PRPF8: variants seen among roughly 807,000 people sequenced by gnomAD.
PRPF8 encodes pre-mRNA-processing-splicing factor 8.
In PRPF8, 64 loss-of-function variants were observed where a neutral mutation model predicts 285.9. That is an observed-to-expected ratio of 0.22 (90% CI 0.18 to 0.28). The LOEUF (loss-of-function observed/expected upper bound fraction) is 0.28, where lower values mean the gene tolerates loss of function less well. PRPF8 is among the 10% of genes least tolerant of loss of function. The pLI, the probability that PRPF8 is intolerant of heterozygous loss-of-function variation, is 1.00. For missense variants in PRPF8, 1,426 were observed against 3,026.7 expected (o/e 0.47, Z 12.41); for synonymous variants, 1,325 against 1,118.2 (o/e 1.18, Z -3.69).
Position 1,658,307 on chromosome 17 carries a change from C to T in PRPF8, c.5451G>A (p.Leu1817=), listed in dbSNP as rs1270392154. 1.9e-6 allele frequency: 3 copies of T among 1,614,108 alleles called. No homozygotes were observed. Among genetic ancestry groups the T allele is most frequent in the African/African-American group, 2.7e-5 (2 of 74,928 alleles). ...IFIFNPRTGQ[L]FLKIIHTSVW... ...CGGACGTGTGGATTATCTTGAGGAACAGCTGCCCTGTGCGTGGGTTGAAGA... is the reference window on the plus strand; with the variant it reads ...CGGACGTGTGGATTATCTTGAGGAATAGCTGCCCTGTGCGTGGGTTGAAGA... The change falls in exon 34 of 43, where the codon CTG becomes CTA. Residue 1817 remains leucine, a synonymous_variant. Transcript: ENST00000304992. This position sits in a 1 kb window ranked among gnomAD's most constrained non-coding sequence, Gnocchi z 4.1.
intron 3 of PRPF8, among the ~76,000 whole-genome samples, chr17:1,682,581 C>A (rs1165249752): frequency 2.0e-5 from 3 of 152,182 alleles, no homozygotes; most frequent in Admixed American, 6.6e-5. Context: ...CCTATTCCCT[C>A]CGCATCTTCC....
Position 1,682,384 on chromosome 17 carries a change from A to G in PRPF8, c.270-91T>C, listed in dbSNP as rs568858961. On this transcript the variant is annotated intron_variant, in intron 3 of 42. Transcript: ENST00000304992. The stretch of plus-strand genomic sequence containing the variant: ...GAGAAGCCACATGTTCATGTTCCAC[A>G]GTCCTACCTTACAATCCAAACTCCC... 51 of 1,500,380 alleles carry G rather than the reference A, an allele frequency of 3.4e-5. No homozygotes were observed. In the Admixed American group the frequency reaches 5.1e-4, roughly 15 times the overall value. 92.9% of individuals were successfully genotyped at this position (1,500,380 alleles called of 1,614,324 possible).
In PRPF8 at chr17:1,651,022, A is replaced by C. The variant is rs1911020400; in HGVS notation, c.6854-66T>G. 1 of 1,613,958 alleles carries C rather than the reference A, an allele frequency of 6.2e-7. No homozygotes were observed. The highest frequency in any genetic ancestry group is 1.3e-5 in the African/African-American group (1 of 74,924). ...GCCTCATGCAGCCTGCGCCACCTCC[A>C]AGCCAGCCAGGCCCCAAGTGCAAAG... On this transcript the variant is annotated intron_variant, in intron 42 of 42. Coordinates refer to ENST00000304992, the MANE Select transcript of PRPF8 (RefSeq NM_006445.4). This position sits in a 1 kb window ranked among gnomAD's most constrained non-coding sequence, Gnocchi z 5.1.
rs150238884 is a variant in PRPF8 at position 1,663,078 on chromosome 17, C to T, written c.3775-925G>A. Among the ~76,000 whole-genome samples, 195 of 152,094 alleles carry T rather than the reference C, an allele frequency of 1.3e-3. 1 individual carries two copies. The highest frequency in any genetic ancestry group is 4.7e-3 in the African/African-American group (193 of 41,494). On this transcript the variant is annotated intron_variant, in intron 24 of 42. Coordinates refer to ENST00000304992, the MANE Select transcript of PRPF8 (RefSeq NM_006445.4). ...AATACTACTAAGAGTGGGAGTGGAA[C>T]TTAAAGTGTATTATTCTAAGGTTCT...
chr17:1,679,256 A>T lies in PRPF8; in HGVS notation c.1409+35T>A. On this transcript the variant is annotated intron_variant, in intron 10 of 42. Transcript: ENST00000304992. This position sits in a 1 kb window ranked among gnomAD's most constrained non-coding sequence, Gnocchi z 4.7. ...GAGTCAGCCTACTGATATCTCTGGA[A>T]CAGAAGTCTGCGCAGGGCCCCTGGG... The T allele has an allele frequency of 1.2e-6, 2 of 1,614,176 alleles. No individual in the cohort carries two copies. The highest frequency in any genetic ancestry group is 1.7e-6 in the Non-Finnish European group (2 of 1,180,034).
At chr17:1,665,745 C>A (rs1911938734) in intron 24 of PRPF8, among the ~76,000 whole-genome samples, 2 of 150,298 alleles carry the variant, frequency 1.3e-5, no homozygotes, top group African/African-American at 2.5e-5. Context: ...ACTCGGGAGA[C>A]TGAGGCAGGA....
At chr17:1,684,617 A>G (rs759803587) in intron 1 of PRPF8, 35 bp from the exon 2 acceptor site, 2 of 1,591,952 alleles carry the variant, frequency 1.3e-6, no homozygotes, top group Non-Finnish European at 1.7e-6. Flanking sequence ...TTCACTAACC[A>G]CAGGCCCGGG....
intron 37 of PRPF8, chr17:1,654,425 T>C: frequency 2.8e-6 from 1 of 352,512 alleles, no homozygotes; most frequent in South Asian, 2.7e-5. Context: ...GGAAGGTGTG[T>C]GTGTGTGTTG....
chr17:1,668,174 A>T (rs1912097224), intron 24 of PRPF8, among the ~76,000 whole-genome samples: 1 of 152,182 alleles, frequency 6.6e-6, no homozygotes, highest in African/African-American at 2.4e-5. Flanking sequence ...CTGACTCCAG[A>T]GCCTGTGCTT....
chr17:1,659,734 C>G lies in PRPF8; in HGVS notation c.4946+107G>C. On this transcript the variant is annotated intron_variant, in intron 31 of 42. Transcript: ENST00000304992. This position sits in a 1 kb window ranked among gnomAD's most constrained non-coding sequence, Gnocchi z 5.1. ...CAGGCTCCAAGCGTAGCACTGGCTC[C>G]AAGTTTGAAACAAAGGCAGACAGGA... 1 of 1,466,948 alleles carries G rather than the reference C, an allele frequency of 6.8e-7. No homozygotes were observed. The highest frequency in any genetic ancestry group is 9.4e-7 in the Non-Finnish European group (1 of 1,068,554). 90.9% of individuals were successfully genotyped at this position (1,466,948 alleles called of 1,614,324 possible).
intron 36 of PRPF8, among the ~76,000 whole-genome samples, 199 bp from the exon 37 acceptor site, chr17:1,655,742 T>G (rs1254425705): frequency 6.6e-6 from 1 of 151,762 alleles, no homozygotes; most frequent in Admixed American, 6.6e-5. Context: ...TTCTCCTGCC[T>G]CAGCCTCCCG....
chr17:1,661,527 G>A lies in PRPF8; in HGVS notation c.4202+84C>T. The A allele has an allele frequency of 6.2e-7, 1 of 1,608,152 alleles. No homozygotes were observed. Among genetic ancestry groups the A allele is most frequent in the Non-Finnish European group, 8.5e-7 (1 of 1,177,558 alleles). ...GCCTTCTCACCTCCATACAACCATG[G>A]CATGCTCTGACCCTGAACTCCACAC... On this transcript the variant is annotated intron_variant, in intron 26 of 42. Transcript: ENST00000304992. This position sits in a 1 kb window ranked among gnomAD's most constrained non-coding sequence, Gnocchi z 7.3.
At chr17:1,677,247 C>A in intron 14 of PRPF8, 75 bp from the exon 15 acceptor site, 1 of 1,385,278 alleles carries the variant, frequency 7.2e-7, no homozygotes, top group Non-Finnish European at 1.0e-6. Flanking sequence ...CTTCATGCTC[C>A]TCACTCATTA....
In PRPF8 at chr17:1,658,911, CA is replaced by C. The variant is rs1315048066; in HGVS notation, c.5139-149del. 8 of 768,808 alleles carry C rather than the reference CA, an allele frequency of 1.0e-5. No individual in the cohort carries two copies. The African/African-American group carries it at 1.2e-4, about 12-fold the overall frequency. 47.6% of individuals were successfully genotyped at this position (768,808 alleles called of 1,614,324 possible). ...GTACATACAGGCTGGAGAAGAGAATCAGTGACCCATAGGAGGAATGGGCCAC... is the reference window on the plus strand; with the variant it reads ...GTACATACAGGCTGGAGAAGAGAATCGTGACCCATAGGAGGAATGGGCCAC... On this transcript the variant is annotated intron_variant, in intron 32 of 42. Coordinates refer to ENST00000304992, the MANE Select transcript of PRPF8 (RefSeq NM_006445.4). This position sits in a 1 kb window ranked among gnomAD's most constrained non-coding sequence, Gnocchi z 4.1.
At chr17:1,683,785 T>C in intron 2 of PRPF8, 84 bp from the exon 3 acceptor site, 1 of 1,541,584 alleles carries the variant, frequency 6.5e-7, no homozygotes, top group Non-Finnish European at 8.9e-7. Flanking sequence ...CTCCTGTCAG[T>C]GAGTGTGAGG....
At chr17:1,665,319 C>A (rs1911905988) in intron 24 of PRPF8, among the ~76,000 whole-genome samples, 1 of 151,518 alleles carries the variant, frequency 6.6e-6, no homozygotes, top group African/African-American at 2.4e-5. Context: ...GTGGGTGGAT[C>A]ACGAGGTCAG....
rs1911526372 is a variant in PRPF8 at position 1,658,782 on chromosome 17, C to T, written c.5139-19G>A. On this transcript the variant is annotated intron_variant, in intron 32 of 42. Coordinates refer to ENST00000304992, the MANE Select transcript of PRPF8 (RefSeq NM_006445.4). This position sits in a 1 kb window ranked among gnomAD's most constrained non-coding sequence, Gnocchi z 4.1. ...ATAGGCACTGTGAGGATAAAAGGGTCAAGAAAAGTTAAGACGAGAATGACA... is the reference window on the plus strand; with the variant it reads ...ATAGGCACTGTGAGGATAAAAGGGTTAAGAAAAGTTAAGACGAGAATGACA... 1.2e-6 allele frequency: 2 copies of T among 1,608,596 alleles called. No homozygotes were observed. The highest frequency in any genetic ancestry group is 1.3e-5 in the African/African-American group (1 of 74,744).
chr17:1,657,998 C>T (rs975514928), intron 34 of PRPF8, among the ~76,000 whole-genome samples: 10 of 149,304 alleles, frequency 6.7e-5, no homozygotes, highest in Admixed American at 5.4e-4. Context: ...AAAGAGTATG[C>T]GTTGCCTTTG....
rs1292572279 is a variant in PRPF8 at position 1,653,077 on chromosome 17, T to C, written c.6369+465A>G. On this transcript the variant is annotated intron_variant, in intron 39 of 42. Transcript: ENST00000304992. This position sits in a 1 kb window ranked among gnomAD's most constrained non-coding sequence, Gnocchi z 4.9. ...TCTCAACCTCCCTAGTAGCTGCAAC[T>C]ACGGGCGCATGCCACCATGCCTGGC... 3 of 282,492 alleles carry C rather than the reference T, an allele frequency of 1.1e-5. No homozygotes were observed. In the Admixed American group the frequency reaches 1.4e-4, roughly 14 times the overall value. The allele number at this position is 282,492 out of a possible 1,614,324, so 17.5% of individuals were successfully genotyped here. A position where few individuals can be genotyped will look rare whatever the true frequency, so the allele number is the denominator to read the frequency against.
Sources: allele counts gnomAD v4.1 joint callset (sites outside exome capture counted in the v4.1 genomes callset), GRCh38; gene constraint gnomAD v4.1.1; non-coding constraint Gnocchi (gnomAD v3.1); transcripts MANE v1.5; gene names NCBI Gene and HGNC (gene_info 2026-07-23, HGNC 2026-07-21).